The following SNX29 variants were observed in gnomAD, a reference collection of about 807,000 sequenced individuals.
The protein encoded by SNX29 is sorting nexin-29.
SNX29 carries 78 observed loss-of-function variants against 102.1 expected under a neutral mutation model. The ratio of observed to expected loss-of-function variants is 0.76; its 90% CI spans 0.64 to 0.92. The LOEUF is 0.92. Among genes scored for constraint, SNX29 ranks in the 40% least tolerant of loss-of-function variants. The probability of loss-of-function intolerance (pLI) is 0.00; values close to 1 mark genes in which losing one functional copy is unlikely to be tolerated. For synonymous variants in SNX29, 580 were observed against 414.5 expected, an observed-to-expected ratio of 1.40 and a Z score of -4.85; for missense variants, 1,280 against 1,061.7, an observed-to-expected ratio of 1.21 and a Z score of -2.86.
chr16:12,554,207 G>C (rs1484588846), intron 20 of SNX29, among the ~76,000 whole-genome samples: 1 of 152,208 alleles, frequency 6.6e-6, no homozygotes, highest in African/African-American at 2.4e-5. Flanking sequence ...TGAACGATGA[G>C]CATATATAGA....
intron 11 of SNX29, among the ~76,000 whole-genome samples, chr16:12,109,888 G>A (rs938459319): frequency 5.9e-5 from 9 of 152,036 alleles, no homozygotes; most frequent in African/African-American, 1.9e-4. Context: ...GCACTACCAC[G>A]CCCACCTAAT....
chr16:12,335,646 AGACG>A (rs1428225379), intron 15 of SNX29, among the ~76,000 whole-genome samples: 10 of 152,196 alleles, frequency 6.6e-5, no homozygotes, highest in Non-Finnish European at 1.3e-4. Context: ...GCTGCACTCC[AGACG>A]GGGTGACGGA....
intron 13 of SNX29, among the ~76,000 whole-genome samples, chr16:12,134,329 C>A (rs887040161): frequency 6.6e-6 from 1 of 152,148 alleles, no homozygotes; most frequent in African/African-American, 2.4e-5. Flanking sequence ...TTATGATTCC[C>A]CACAATTTCT....
intron 16 of SNX29, among the ~76,000 whole-genome samples, chr16:12,364,451 C>T (rs1385990731): frequency 6.8e-6 from 1 of 147,684 alleles, no homozygotes; most frequent in East Asian, 2.0e-4. Flanking sequence ...ATTTTTAGGA[C>T]TCTTATTATG....
chr16:12,004,862 T>C (rs901770645), intron 3 of SNX29, among the ~76,000 whole-genome samples: 2 of 152,232 alleles, frequency 1.3e-5, no homozygotes, highest in Non-Finnish European at 2.9e-5. Flanking sequence ...CAACAAACTA[T>C]ATATACATTC....
chr16:12,501,940 T>A (rs1411574558), intron 19 of SNX29, among the ~76,000 whole-genome samples: 1 of 152,070 alleles, frequency 6.6e-6, no homozygotes, highest in Non-Finnish European at 1.5e-5. Flanking sequence ...GCAGAGTGGA[T>A]ACCAGGGGAC....
In SNX29 at chr16:11,999,285, A is replaced by T; in HGVS notation, c.8-12A>T. On this transcript the variant is annotated splice_polypyrimidine_tract_variant and intron_variant, in intron 1 of 20. Coordinates refer to ENST00000566228, the MANE Select transcript of SNX29 (RefSeq NM_032167.5). ...CGTCAGAGAGAACTAATTAAGCCTC[A>T]TTGCATTTTAGGATCACAGAACAAT... 2.5e-6 allele frequency: 4 copies of T among 1,613,968 alleles called. No homozygotes were observed. The highest frequency in any genetic ancestry group is 2.2e-5 in the East Asian group (1 of 44,866).
intron 11 of SNX29, among the ~76,000 whole-genome samples, chr16:12,119,854 C>T (rs1014863371): frequency 6.6e-6 from 1 of 152,222 alleles, no homozygotes; most frequent in African/African-American, 2.4e-5. Context: ...TGTAATCATG[C>T]TTGCTTCTCA....
intron 20 of SNX29, among the ~76,000 whole-genome samples, chr16:12,566,007 C>T (rs2078989108): frequency 6.6e-6 from 1 of 152,186 alleles, no homozygotes. Context: ...CCTTCATGCC[C>T]AGCCCAGCAT....
intron 18 of SNX29, among the ~76,000 whole-genome samples, chr16:12,429,017 G>A (rs1411760644): frequency 6.6e-6 from 1 of 152,114 alleles, no homozygotes; most frequent in Non-Finnish European, 1.5e-5. Context: ...ACATAGATAC[G>A]ATTGCAATTA....
intron 14 of SNX29, among the ~76,000 whole-genome samples, chr16:12,240,743 G>A (rs1050876320): frequency 3.3e-5 from 5 of 151,576 alleles, no homozygotes; most frequent in Admixed American, 1.3e-4. Context: ...GGGATTACAA[G>A]TGTGTGTGTG....
At chr16:12,059,351 A>AGG (rs1384535642) in intron 8 of SNX29, among the ~76,000 whole-genome samples, 1 of 152,166 alleles carries the variant, frequency 6.6e-6, no homozygotes, top group African/African-American at 2.4e-5. Context: ...GAGCCTCAGG[A>AGG]GGGCGCCTCT....
At chr16:12,055,888 T>C (rs539169340) in intron 8 of SNX29, among the ~76,000 whole-genome samples, 51 of 152,232 alleles carry the variant, frequency 3.4e-4, no homozygotes, top group Non-Finnish European at 6.2e-4. Context: ...AGTGCCTTTA[T>C]TCTTTTTTTT....
chr16:12,449,545 G>C (rs2086211787), intron 18 of SNX29, among the ~76,000 whole-genome samples: 1 of 152,198 alleles, frequency 6.6e-6, no homozygotes, highest in Non-Finnish European at 1.5e-5. Flanking sequence ...CTGTAAGTCA[G>C]TAGTCTTGGG....
intron 3 of SNX29, among the ~76,000 whole-genome samples, chr16:12,006,203 C>T (rs1271046610): frequency 1.4e-4 from 14 of 102,228 alleles, no homozygotes; most frequent in Admixed American, 1.3e-3. Context: ...GACCCTGTCT[C>T]TAAAATAATA....
chr16:12,466,811 G>A (rs934928939), intron 18 of SNX29, among the ~76,000 whole-genome samples: 1 of 152,182 alleles, frequency 6.6e-6, no homozygotes, highest in African/African-American at 2.4e-5. Flanking sequence ...TGGGCTCCGA[G>A]GGGATTGGAA....
chr16:12,391,085 A>G (rs563482148), intron 16 of SNX29, among the ~76,000 whole-genome samples: 199 of 152,134 alleles, frequency 1.3e-3, no homozygotes, highest in Non-Finnish European at 2.1e-3. Flanking sequence ...AGTTGGGACT[A>G]TAGGAGCATG....
At chr16:12,454,985 T>G (rs146314507) in intron 18 of SNX29, among the ~76,000 whole-genome samples, 35 of 152,292 alleles carry the variant, frequency 2.3e-4, no homozygotes, top group African/African-American at 7.9e-4. Flanking sequence ...TGACCTCAAG[T>G]GATCCACCCG....
chr16:12,410,232 G>C (rs1256689721), intron 18 of SNX29, among the ~76,000 whole-genome samples: 3 of 152,146 alleles, frequency 2.0e-5, no homozygotes, highest in African/African-American at 4.8e-5. Context: ...CTGACCTCGT[G>C]ATCCACCTGC....
Sources: allele counts gnomAD v4.1 joint callset (sites outside exome capture counted in the v4.1 genomes callset), GRCh38; gene constraint gnomAD v4.1.1; transcripts MANE v1.5; gene names NCBI Gene and HGNC (gene_info 2026-07-23, HGNC 2026-07-21).